IL13RA1: variants seen among roughly 807,000 people sequenced by gnomAD.
IL13RA1 encodes interleukin 13 receptor subunit alpha 1.
A neutral mutation model predicts 33.8 loss-of-function variants in IL13RA1; 14 were observed. That is an observed-to-expected ratio of 0.41 (90% CI 0.27 to 0.65). IL13RA1 has a LOEUF of 0.65. Ranked by LOEUF, IL13RA1 falls within the 30% of genes least tolerant of loss-of-function variation. The pLI is 0.28. For missense variants in IL13RA1, 313 were observed against 327.0 expected (o/e 0.96, Z 0.33); for synonymous variants, 116 against 115.7 (o/e 1.00, Z -0.02).
intron 3 of IL13RA1, among the ~76,000 whole-genome samples, chrX:118,748,361 G>GTA (rs1556363018): frequency 3.9e-5 from 2 of 51,007 alleles, no homozygotes; most frequent in East Asian, 4.9e-4. Flanking sequence ...AGGAGTTAAC[G>GTA]AAAAAAAAAA....
At chrX:118,743,925 C>T (rs753412286) in intron 2 of IL13RA1, among the ~76,000 whole-genome samples, 1 of 111,834 alleles carries the variant, frequency 8.9e-6, no homozygotes, top group Non-Finnish European at 1.9e-5. Flanking sequence ...GCGGGCTGAT[C>T]ACCTGAGGTC....
At chrX:118,772,549 TA>T (rs1460668434) in intron 8 of IL13RA1, among the ~76,000 whole-genome samples, 1 of 112,189 alleles carries the variant, frequency 8.9e-6, no homozygotes, top group African/African-American at 3.2e-5. Context: ...GCAATATTTT[TA>T]TTTAAAAAAA....
At position 118,727,690 on chromosome X, in the gene IL13RA1, G is replaced by C; in HGVS notation, c.52G>C (p.Gly18Arg). ...CGLWALLLCA[G>R]GGGGGGGAAP... ...GCTGTGGGCGCTGCTGCTCTGCGCC[G>C]GCGGCGGGGGCGGGGGCGGGGGCGC... The change falls in exon 1 of 11, where the codon GGC becomes CGC. Residue 18 changes from glycine (G) to arginine (R), a missense_variant. Gly to Arg is a moderately radical substitution (Grantham distance 125). Transcript: ENST00000371666. 1 of 908,197 alleles carries C rather than the reference G, an allele frequency of 1.1e-6. No homozygotes were observed. The highest frequency in any genetic ancestry group is 1.4e-6 in the Non-Finnish European group (1 of 734,218). The allele number at this position is 908,197 out of a possible 1,213,427, so 74.8% of individuals were successfully genotyped here.
At chrX:118,771,931 C>T (rs951833212) in intron 8 of IL13RA1, among the ~76,000 whole-genome samples, 2 of 111,589 alleles carry the variant, frequency 1.8e-5, no homozygotes, top group Non-Finnish European at 3.8e-5. Context: ...CGAGATCGTG[C>T]CACTGCACTC....
In IL13RA1 at chrX:118,771,888, G is replaced by A. The variant is rs764243979; in HGVS notation, c.1010-1991G>A. On this transcript the variant is annotated intron_variant, in intron 8 of 10. Transcript: ENST00000371666. ...CCCGGGAGGCTGAGGCAGGAGAATCGCTTGAACCCGGGAGGCGGAGGTTGC... is the reference window on the plus strand; with the variant it reads ...CCCGGGAGGCTGAGGCAGGAGAATCACTTGAACCCGGGAGGCGGAGGTTGC... 2.6e-4 allele frequency among the ~76,000 whole-genome samples: 29 copies of A among 111,273 alleles called. No individual in the cohort carries two copies. The South Asian group carries it at 9.4e-3, about 36-fold the overall frequency.
intron 2 of IL13RA1, among the ~76,000 whole-genome samples, chrX:118,743,911 CG>C (rs749298048): frequency 7.2e-5 from 8 of 111,582 alleles, no homozygotes; most frequent in Non-Finnish European, 1.5e-4. Context: ...TTTGGGAGGC[CG>C]AGGCGGGCTG....
At chrX:118,776,362 G>C in intron 9 of IL13RA1, 65 bp from the exon 10 acceptor site, 1 of 496,732 alleles carries the variant, frequency 2.0e-6, no homozygotes, top group Non-Finnish European at 3.6e-6. Flanking sequence ...TTAATATGGT[G>C]GTATTTATGT....
chrX:118,756,817 G>T (rs748703963), intron 4 of IL13RA1, among the ~76,000 whole-genome samples: 51 of 112,033 alleles, frequency 4.6e-4, no homozygotes, highest in Admixed American at 8.5e-4. Context: ...GAGGGTGCAT[G>T]ATGTGTTTTG....
At chrX:118,785,684 CCTCAGCCT>C (rs2017908965) in intron 10 of IL13RA1, among the ~76,000 whole-genome samples, 1 of 111,103 alleles carries the variant, frequency 9.0e-6, no homozygotes, top group Admixed American at 9.5e-5. Flanking sequence ...GATTCTCCTG[CCTCAGCCT>C]CCCAAGTAGC....
chrX:118,735,753 G>T (rs2017274932), intron 1 of IL13RA1, among the ~76,000 whole-genome samples: 1 of 111,782 alleles, frequency 8.9e-6, no homozygotes, highest in Non-Finnish European at 1.9e-5. Flanking sequence ...TTGCCATGTT[G>T]GCTAGGCTTG....
At chrX:118,732,414 A>G (rs892648204) in intron 1 of IL13RA1, among the ~76,000 whole-genome samples, 2 of 105,373 alleles carry the variant, frequency 1.9e-5, no homozygotes, top group Admixed American at 1.1e-4. Context: ...ATATATATAT[A>G]TTTATTATAC....
At chrX:118,791,662 C>A in intron 10 of IL13RA1, 100 bp from the exon 11 acceptor site, 1 of 399,388 alleles carries the variant, frequency 2.5e-6, no homozygotes. Flanking sequence ...CCTACGGTTC[C>A]ATCCACACAA....
In IL13RA1 at chrX:118,766,848, C is replaced by T; in HGVS notation, c.881C>T (p.Thr294Ile). ...TATTTTTATTTTATGCCTAAGAATACATCTTGTTTCATGGTCCCTGGTGTT... is the reference window on the plus strand; with the variant it reads ...TATTTTTATTTTATGCCTAAGAATATATCTTGTTTCATGGTCCCTGGTGTT... ...NPEFERNVENTSCFMVPGVLP... is the reference protein window; with the variant it reads ...NPEFERNVENISCFMVPGVLP... The change falls in exon 8 of 11, where the codon ACA becomes ATA. Residue 294 changes from threonine to isoleucine, a missense_variant. Transcript: ENST00000371666. 9.7e-7 allele frequency: 1 copy of T among 1,030,435 alleles called. No homozygotes were observed. The highest frequency in any genetic ancestry group is 2.1e-5 in the South Asian group (1 of 47,578). The allele number at this position is 1,030,435 out of a possible 1,213,427, so 84.9% of individuals were successfully genotyped here.
the IL13RA1 span, among the ~76,000 whole-genome samples, chrX:118,799,666 G>C: frequency 1.0e-5 from 1 of 99,772 alleles, no homozygotes; most frequent in East Asian, 3.3e-4. Flanking sequence ...AGCTGCTCTG[G>C]TGGGGCCTTG....
intron 1 of IL13RA1, among the ~76,000 whole-genome samples, chrX:118,732,469 A>G (rs1303865484): frequency 9.1e-6 from 1 of 110,307 alleles, no homozygotes; most frequent in Non-Finnish European, 1.9e-5. Flanking sequence ...TTTGTTACAT[A>G]TGTATACATG....
intron 4 of IL13RA1, 71 bp downstream of exon 4, chrX:118,749,849 T>TA: frequency 2.8e-6 from 2 of 704,839 alleles, no homozygotes; most frequent in East Asian, 3.4e-5. Flanking sequence ...TCCAACCTAG[T>TA]CAAAAAAAAA....
chrX:118,744,625 A>G (rs1320289012), intron 2 of IL13RA1, among the ~76,000 whole-genome samples: 2 of 111,011 alleles, frequency 1.8e-5, no homozygotes, highest in Non-Finnish European at 3.8e-5. Flanking sequence ...CTGGTTTCCA[A>G]CTCCTGACCT....
Position 118,766,907 on chromosome X carries a change from G to C in IL13RA1, c.940G>C (p.Val314Leu), listed in dbSNP as rs1449037371. Residue 314 changes from valine (V) to leucine (L), a missense_variant, in exon 8 of 11, where the codon GTC (valine) becomes CTC (leucine). Transcript: ENST00000371666. ...PDTLNTVRIR[V>L]KTNKLCYEDD... Reference sequence around the variant, plus strand: ...TACTTTGAACACAGTCAGAATAAGAGTCAAAACAAATAAGTTATGCTATGA... The same window carrying C: ...TACTTTGAACACAGTCAGAATAAGACTCAAAACAAATAAGTTATGCTATGA... 9.1e-7 allele frequency: 1 copy of C among 1,097,766 alleles called. No individual in the cohort carries two copies. The highest frequency in any genetic ancestry group is 3.0e-5 in the East Asian group (1 of 33,218). The allele number at this position is 1,097,766 out of a possible 1,213,427, so 90.5% of individuals were successfully genotyped here. A position where few individuals can be genotyped will look rare whatever the true frequency, so the allele number is the denominator to read the frequency against.
chrX:118,795,056 A>C (rs1191255259), downstream of IL13RA1, among the ~76,000 whole-genome samples: 1 of 108,903 alleles, frequency 9.2e-6, no homozygotes. Flanking sequence ...CCCCAGCTGT[A>C]CTAAAAATAC....
Sources: gnomAD v4.1 joint callset for allele counts (sites outside exome capture counted in the v4.1 genomes callset) on GRCh38, gnomAD v4.1.1 for gene constraint, MANE v1.5 for transcripts, NCBI Gene and HGNC (gene_info 2026-07-23, HGNC 2026-07-21) for gene names.